Variants in PIP5K1C observed in about 807,000 individuals in gnomAD.
PIP5K1C encodes the protein phosphatidylinositol-4-phosphate 5-kinase type 1 gamma.
In PIP5K1C, 45 loss-of-function variants were observed where a neutral mutation model predicts 80.1. The ratio of observed to expected loss-of-function variants is 0.56; its 90% confidence interval spans 0.44 to 0.72. PIP5K1C has a LOEUF of 0.72. Ranked by LOEUF, PIP5K1C falls within the 30% of genes least tolerant of loss-of-function variation. The probability of loss-of-function intolerance (pLI) is 0.00; values close to 1 mark genes in which losing one functional copy is unlikely to be tolerated. For synonymous variants in PIP5K1C, 498 were observed against 420.1 expected, an observed-to-expected ratio of 1.19 and a Z score of -2.27; for missense variants, 753 against 954.6, an observed-to-expected ratio of 0.79 and a Z score of 2.78.
intron 1 of PIP5K1C, among the ~76,000 whole-genome samples, chr19:3,697,419 GACGGAGGAGGACCGAGCTGT>G (rs1568366981): frequency 3.3e-5 from 5 of 150,524 alleles, no homozygotes; most frequent in South Asian, 2.1e-4. Flanking sequence ...TACTCAGCCA[GACGGAGGAGGACCGAGCTGT>G]ACGGAGGAGG....
In PIP5K1C at chr19:3,696,937, AG is replaced by A. The variant is rs1389332704; in HGVS notation, c.94+3359del. Among the ~76,000 whole-genome samples the A allele has an allele frequency of 6.6e-6, 1 of 152,160 alleles. No individual in the cohort carries two copies. Among genetic ancestry groups the A allele is most frequent in the Non-Finnish European group, 1.5e-5 (1 of 68,028 alleles). ...GGAGCAGAGGAAGAGCAGGGGCGCC[AG>A]GCCTGGCTCAGGGGGCAAAGGAGGA... On this transcript the variant is annotated intron_variant, in intron 1 of 17. Transcript: ENST00000335312. This position sits in a 1 kb window ranked among gnomAD's most constrained non-coding sequence, Gnocchi z 4.1.
intron 11 of PIP5K1C, among the ~76,000 whole-genome samples, chr19:3,644,910 C>G (rs1316392974): frequency 6.6e-6 from 1 of 152,244 alleles, no homozygotes; most frequent in East Asian, 1.9e-4. Context: ...CTCAGTTTGC[C>G]TTGTGCAGCT....
Position 3,653,470 on chromosome 19 carries a change from C to T in PIP5K1C, c.741G>A (p.Lys247=), listed in dbSNP as rs2034521127. 6.2e-7 allele frequency: 1 copy of T among 1,613,774 alleles called. No individual in the cohort carries two copies. The highest frequency in any genetic ancestry group is 1.7e-5 in the Admixed American group (1 of 60,012). Residue 247 remains lysine, a synonymous_variant, in exon 7 of 18, where the codon AAG becomes AAA. Coordinates refer to ENST00000335312, the MANE Select transcript of PIP5K1C (RefSeq NM_012398.3). ...VMNNILPRVV[K]MHLKFDLKGS... The stretch of plus-strand genomic sequence containing the variant: ...CCTTGAGGTCGAACTTGAGGTGCAT[C>T]TTGACCACGCGGGGCAGGATGTTGT...
At chr19:3,694,610 C>G (rs1008505602) in intron 1 of PIP5K1C, among the ~76,000 whole-genome samples, 1 of 152,270 alleles carries the variant, frequency 6.6e-6, no homozygotes, top group African/African-American at 2.4e-5. Context: ...CACTCAGATG[C>G]CCGTGCCACC....
rs977862738 is a variant in PIP5K1C at position 3,630,876 on chromosome 19, G to C, written c.*2291C>G. On this transcript the variant is annotated 3_prime_UTR_variant, in exon 18 of 18. Transcript: ENST00000335312. ...CGGGGTGGGTCCAGCAGCCTCCCTC[G>C]CGGGGGATCTGAGGGAGACCGAGTT... 1 of 152,150 alleles carries C rather than the reference G, an allele frequency of 6.6e-6. No individual in the cohort carries two copies. The highest frequency in any genetic ancestry group is 1.5e-5 in the Non-Finnish European group (1 of 68,036). 9.4% of individuals were successfully genotyped at this position (152,150 alleles called of 1,614,324 possible). A position where few individuals can be genotyped will look rare whatever the true frequency, so the allele number is the denominator to read the frequency against.
At chr19:3,649,782 C>T (rs1283044077) in intron 8 of PIP5K1C, 1 of 9,132 alleles carries the variant, frequency 1.1e-4, no homozygotes, top group African/African-American at 5.5e-4. Context: ...CGTCCCCTGC[C>T]CAGCGCGGGA....
rs375342149 is a variant in PIP5K1C at position 3,692,234 on chromosome 19, G to A, written c.94+8063C>T. Among the ~76,000 whole-genome samples the A allele has an allele frequency of 6.6e-6, 1 of 152,170 alleles. No individual in the cohort carries two copies. Among genetic ancestry groups the A allele is most frequent in the South Asian group, 2.1e-4 (1 of 4,834 alleles). ...ACCCAATCATCTCAGCTGTCCTCCT[G>A]CCAACAGCACAATGGAACAGAGACA... On this transcript the variant is annotated intron_variant, in intron 1 of 17. Coordinates refer to ENST00000335312, the MANE Select transcript of PIP5K1C (RefSeq NM_012398.3). This position sits in a 1 kb window ranked among gnomAD's most constrained non-coding sequence, Gnocchi z 5.2.
chr19:3,683,895 G>A (rs1428915025), intron 1 of PIP5K1C, among the ~76,000 whole-genome samples: 2 of 130,048 alleles, frequency 1.5e-5, no homozygotes, highest in Non-Finnish European at 3.3e-5. Flanking sequence ...CCCCACACTG[G>A]AGCCCCTGCT....
At chr19:3,655,404 C>T (rs1003361011) in intron 6 of PIP5K1C, among the ~76,000 whole-genome samples, 3 of 152,142 alleles carry the variant, frequency 2.0e-5, no homozygotes. Context: ...GGTGACAGAG[C>T]GAGACTCCGT....
In PIP5K1C at chr19:3,632,436, AGAG is replaced by A. The variant is rs1489791735; in HGVS notation, c.*728_*730del. 6.6e-6 allele frequency: 1 copy of A among 152,352 alleles called. No homozygotes were observed. The highest frequency in any genetic ancestry group is 1.5e-5 in the Non-Finnish European group (1 of 68,162). 9.4% of individuals were successfully genotyped at this position (152,352 alleles called of 1,614,324 possible). On this transcript the variant is annotated 3_prime_UTR_variant, in exon 18 of 18. Transcript: ENST00000335312. ...GCCAGCGTGGGTGGCAGCCTGGGGAAGAGGAGGCCTGGCCCTCCAGCTGTGGTG... is the reference window on the plus strand; with the variant it reads ...GCCAGCGTGGGTGGCAGCCTGGGGAAGAGGCCTGGCCCTCCAGCTGTGGTG...
chr19:3,643,078 T>G, intron 13 of PIP5K1C, 139 bp from the exon 14 acceptor site: 3 of 1,452,380 alleles, frequency 2.1e-6, no homozygotes, highest in Non-Finnish European at 2.9e-6. Flanking sequence ...CTCCCACACA[T>G]TGGATGCTCC....
At chr19:3,679,064 C>T (rs561161515) in intron 1 of PIP5K1C, among the ~76,000 whole-genome samples, 2 of 152,052 alleles carry the variant, frequency 1.3e-5, no homozygotes, top group South Asian at 2.1e-4. Context: ...GGCGGTAAGT[C>T]GTGGGTCTAC....
chr19:3,669,261 C>T (rs2035121789), intron 1 of PIP5K1C, among the ~76,000 whole-genome samples: 1 of 152,146 alleles, frequency 6.6e-6, no homozygotes, highest in Admixed American at 6.5e-5. Flanking sequence ...GTGCCCTGCT[C>T]CGTAGGGCTC....
In PIP5K1C at chr19:3,660,308, AG is replaced by A. The variant is rs371434966; in HGVS notation, c.468+657del. Reference sequence around the variant, plus strand: ...GGCAGGAGAATGGCGTGAACCCAGGAGGCGGAGCTTACAGTGAGCCGAGATC... The same window carrying A: ...GGCAGGAGAATGGCGTGAACCCAGGAGCGGAGCTTACAGTGAGCCGAGATC... On this transcript the variant is annotated intron_variant, in intron 5 of 17. Coordinates refer to ENST00000335312, the MANE Select transcript of PIP5K1C (RefSeq NM_012398.3). Among the ~76,000 whole-genome samples, 392 of 151,674 alleles carry A rather than the reference AG, an allele frequency of 2.6e-3. 2 individuals carry two copies. Among genetic ancestry groups the A allele is most frequent in the African/African-American group, 7.0e-3 (290 of 41,306 alleles).
At chr19:3,698,265 G>A (rs984239172) in intron 1 of PIP5K1C, among the ~76,000 whole-genome samples, 4 of 152,244 alleles carry the variant, frequency 2.6e-5, no homozygotes, top group African/African-American at 7.2e-5. Flanking sequence ...ACTCATCCCA[G>A]GCTCAGCCCC....
chr19:3,687,690 G>A (rs72620517), intron 1 of PIP5K1C, among the ~76,000 whole-genome samples: 8,394 of 152,244 alleles, frequency 0.055, 351 homozygotes, highest in East Asian at 0.17. Context: ...CTGGAGGGGA[G>A]GGTACACCTG....
At chr19:3,663,419 C>T (rs1165251660) in intron 3 of PIP5K1C, among the ~76,000 whole-genome samples, 3 of 152,194 alleles carry the variant, frequency 2.0e-5, no homozygotes, top group Non-Finnish European at 1.5e-5. Context: ...CCTGTATGTT[C>T]ACCTCCCCGA....
At chr19:3,667,437 C>A (rs2035049486) in intron 1 of PIP5K1C, 84 bp from the exon 2 acceptor site, 6 of 1,500,318 alleles carry the variant, frequency 4.0e-6, no homozygotes, top group Non-Finnish European at 5.6e-6. Context: ...CACCTTCTGG[C>A]GCCCCAGGCC....
At chr19:3,643,484 TGCCC>T in intron 12 of PIP5K1C, 103 bp from the exon 13 acceptor site, 1 of 1,393,204 alleles carries the variant, frequency 7.2e-7, no homozygotes, top group East Asian at 2.4e-5. Flanking sequence ...CACAGCCCAG[TGCCC>T]GCCCGCCTCC....
Sources: gnomAD v4.1 joint callset for allele counts (sites outside exome capture counted in the v4.1 genomes callset) on GRCh38, gnomAD v4.1.1 for gene constraint, Gnocchi (gnomAD v3.1) non-coding constraint, MANE v1.5 for transcripts, NCBI Gene and HGNC (gene_info 2026-07-23, HGNC 2026-07-21) for gene names.